The following NUMA1 variants were observed in gnomAD, a reference collection of about 807,000 sequenced individuals.
NUMA1 encodes the protein SP-H antigen.
Under a neutral mutation model 237.1 loss-of-function variants are expected in NUMA1, and 62 were observed. That is an observed-to-expected ratio of 0.26 (90% CI 0.21 to 0.32). The LOEUF (loss-of-function observed/expected upper bound fraction) is 0.32. Among genes scored for constraint, NUMA1 ranks in the 10% least tolerant of loss-of-function variants. The pLI is 1.00. For synonymous variants in NUMA1, 1,028 were observed against 1,066.1 expected, an observed-to-expected ratio of 0.96 and a Z score of 0.70; for missense variants, 2,533 against 2,666.5, an observed-to-expected ratio of 0.95 and a Z score of 1.10.
At chr11:72,012,214 T>TGAG (rs2134847372) in intron 16 of NUMA1, 187 bp downstream of exon 16, 5 of 585,208 alleles carry the variant, frequency 8.5e-6, no homozygotes, top group Non-Finnish European at 1.2e-5. Context: ...ATGGGTGGGA[T>TGAG]GAGGCCTGAG....
At chr11:72,030,329 C>T (rs543172256) in intron 3 of NUMA1, among the ~76,000 whole-genome samples, 1 of 143,090 alleles carries the variant, frequency 7.0e-6, no homozygotes, top group Non-Finnish European at 1.5e-5. Context: ...GAGCAAGACC[C>T]TGTCTCCAAA....
chr11:72,058,585 C>T (rs1180421532), intron 2 of NUMA1, among the ~76,000 whole-genome samples: 1 of 152,144 alleles, frequency 6.6e-6, no homozygotes, highest in African/African-American at 2.4e-5. Flanking sequence ...AGAAAAAAAA[C>T]TATTTCTACA....
rs1378739844 is a variant in NUMA1, at chr11:72,013,999, C to T, written c.3504G>A (p.Gln1168=). 1.2e-6 allele frequency: 2 copies of T among 1,612,572 alleles called. No homozygotes were observed. The highest frequency in any genetic ancestry group is 4.5e-5 in the East Asian group (2 of 44,866). ...AERDSALETL[Q]GQLEEKAQEL... is the part of the protein sequence containing the mutation. ...CCTGGGCCTTCTCCTCTAACTGGCC[C>T]TGCAGAGTCTCCAGAGCACTGTCCC... Residue 1168 remains glutamine (Q), a synonymous_variant, in exon 15 of 27, where the codon CAG becomes CAA. Coordinates refer to ENST00000393695, the MANE Select transcript of NUMA1 (RefSeq NM_006185.4). The surrounding 1 kb of genome is among the most constrained non-coding windows in gnomAD (Gnocchi z 6.8).
chr11:72,007,819 A>G (rs1410441431), intron 20 of NUMA1: 1 of 356,140 alleles, frequency 2.8e-6, no homozygotes, highest in South Asian at 2.4e-5. Flanking sequence ...GCATAATCCA[A>G]TGTCGTCCTG....
In NUMA1 at chr11:72,023,238, T is replaced by C. The variant is rs145469284; in HGVS notation, c.209-91A>G. 190 of 929,414 alleles carry C rather than the reference T, an allele frequency of 2.0e-4. 2 individuals carry two copies. In the East Asian group the frequency reaches 4.2e-3, roughly 20 times the overall value. 57.6% of individuals were successfully genotyped at this position (929,414 alleles called of 1,614,324 possible). On this transcript the variant is annotated intron_variant, in intron 5 of 26. Coordinates refer to ENST00000393695, the MANE Select transcript of NUMA1 (RefSeq NM_006185.4). Reference sequence around the variant, plus strand: ...ACTGAAATCTGGGGAGCAGAATGGCTATCTCTGGTGGGGCTATGAGATGTA... The same window carrying C: ...ACTGAAATCTGGGGAGCAGAATGGCCATCTCTGGTGGGGCTATGAGATGTA...
intron 10 of NUMA1, 25 bp downstream of exon 10, chr11:72,018,798 A>T (rs1343853029): frequency 6.2e-7 from 1 of 1,600,110 alleles, no homozygotes. Flanking sequence ...CTATTCACAC[A>T]TCTGCCAGTG....
chr11:72,025,502 A>C (rs1181780795), intron 4 of NUMA1, among the ~76,000 whole-genome samples: 2 of 152,050 alleles, frequency 1.3e-5, no homozygotes, highest in Non-Finnish European at 2.9e-5. Flanking sequence ...ACTTCGCTGG[A>C]TCCCCTAGCT....
intron 4 of NUMA1, among the ~76,000 whole-genome samples, chr11:72,028,651 T>C (rs765704133): frequency 6.6e-6 from 1 of 152,194 alleles, no homozygotes; most frequent in African/African-American, 2.4e-5. Flanking sequence ...TAAATGCTCA[T>C]GGACCTCAGA....
chr11:72,064,600 A>C (rs1285548398), intron 2 of NUMA1, among the ~76,000 whole-genome samples: 1 of 152,216 alleles, frequency 6.6e-6, no homozygotes, highest in Non-Finnish European at 1.5e-5. Context: ...TGGGAGGCCA[A>C]GGCAGGTGAA....
chr11:72,022,405 G>A lies in NUMA1; in HGVS notation c.306C>T (p.Leu102=). Residue 102 remains leucine (L), a synonymous_variant, in exon 7 of 27, where the codon CTC becomes CTT. Transcript: ENST00000393695. The stretch of plus-strand genomic sequence containing the variant: ...TGGAGCTCATGGTAGAGTGGTATAA[G>A]AGCAGCATGGTCATCTAGAAGCCAA... The part of the protein sequence containing the change: ...ELELAKMTML[L]LYHSTMSSKS... 1 of 1,613,138 alleles carries A rather than the reference G, an allele frequency of 6.2e-7. No homozygotes were observed. The highest frequency in any genetic ancestry group is 8.5e-7 in the Non-Finnish European group (1 of 1,179,414).
At chr11:72,072,346 G>A (rs1265230239) in intron 1 of NUMA1, 2 of 154,734 alleles carry the variant, frequency 1.3e-5, no homozygotes, top group African/African-American at 4.8e-5. Flanking sequence ...TCTCTGGCCA[G>A]TCACAGGAAG....
rs895350968 is a variant in NUMA1 at position 72,009,086 on chromosome 11, C to G, written c.4939G>C (p.Glu1647Gln). The change falls in exon 19 of 27, where the codon GAG (glutamate) becomes CAG (glutamine). Residue 1647 changes from glutamate (E) to glutamine (Q), a missense_variant. Glu to Gln is a conservative substitution (Grantham distance 29). Around this residue, in one of 3 missense-constraint regions of NUMA1, gnomAD observed 795 missense variants for 750.8 expected, o/e 1.06. Coordinates refer to ENST00000393695, the MANE Select transcript of NUMA1 (RefSeq NM_006185.4). The part of the protein sequence containing the change: ...SLEQLQKENK[E>Q]LRAEAERLGH... ...AGCCGTTCAGCTTCAGCTCGCAGCT[C>G]TTTGTTTTCCTTCTGCAGCTGCTCC... 6.2e-7 allele frequency: 1 copy of G among 1,613,356 alleles called. No homozygotes were observed. Among genetic ancestry groups the G allele is most frequent in the Non-Finnish European group, 8.5e-7 (1 of 1,179,990 alleles).
Position 72,056,635 on chromosome 11 carries a change from T to TAAAAAAAAAAA in NUMA1, c.-33+13196_-33+13206dup, listed in dbSNP as rs59248999. On this transcript the variant is annotated intron_variant, in intron 2 of 26. Coordinates refer to ENST00000393695, the MANE Select transcript of NUMA1 (RefSeq NM_006185.4). ...GCGCCTGACCAAGATCCCATCTCTT[T>TAAAAAAAAAAA]AAAAAAAAAAAAAAAAAAAAAAAAA... is the stretch of plus-strand genomic sequence containing the variant. Among the ~76,000 whole-genome samples, 336 of 75,934 alleles carry TAAAAAAAAAAA rather than the reference T, an allele frequency of 4.4e-3. 27 individuals are homozygous for TAAAAAAAAAAA. Among genetic ancestry groups the TAAAAAAAAAAA allele is most frequent in the Non-Finnish European group, 5.9e-3 (250 of 42,450 alleles). 49.8% of individuals were successfully genotyped at this position (75,934 alleles called of 152,430 possible).
chr11:72,050,630 T>C (rs1591042648), intron 2 of NUMA1: 1 of 152,164 alleles, frequency 6.6e-6, no homozygotes. Context: ...TTTTATAAAT[T>C]AGGAACGTAA....
At chr11:72,058,472 T>C (rs1942780502) in intron 2 of NUMA1, among the ~76,000 whole-genome samples, 1 of 152,232 alleles carries the variant, frequency 6.6e-6, no homozygotes, top group African/African-American at 2.4e-5. Context: ...ATAAGGGATA[T>C]CCATAACGTG....
At chr11:72,007,484 T>C (rs1007365932) in intron 20 of NUMA1, 49 bp from the exon 21 acceptor site, 20 of 1,588,212 alleles carry the variant, frequency 1.3e-5, no homozygotes, top group Non-Finnish European at 1.6e-5. Context: ...CTAGAAGGCA[T>C]TTTGTCCAGC....
chr11:72,020,862 A>G (rs914019945), intron 8 of NUMA1: 1 of 179,618 alleles, frequency 5.6e-6, no homozygotes, highest in African/African-American at 2.4e-5. Context: ...ACAGAGAGAG[A>G]CTCTGTCTCA....
intron 4 of NUMA1, among the ~76,000 whole-genome samples, chr11:72,028,450 T>TTAAA (rs1472834279): frequency 1.3e-5 from 1 of 75,368 alleles, no homozygotes. Context: ...TGCTTTTTCT[T>TTAAA]AAAAAAAAAA....
In NUMA1 at chr11:72,014,641, C is replaced by T; in HGVS notation, c.2862G>A (p.Glu954=). ...TGCTGCAGAACTGGCGTCCCTGTTG[C>T]TCTTCCAGCCACTCGGGCTGTCTGT... ...AGDRQPEWLE[E]QQGRQFCSTQ... Residue 954 remains glutamate, a synonymous_variant, in exon 15 of 27, where the codon GAG becomes GAA. Coordinates refer to ENST00000393695, the MANE Select transcript of NUMA1 (RefSeq NM_006185.4). The surrounding 1 kb of genome is among the most constrained non-coding windows in gnomAD (Gnocchi z 4.6). The T allele has an allele frequency of 1.2e-6, 2 of 1,611,496 alleles. No homozygotes were observed.
Sources: gnomAD v4.1 joint callset for allele counts (sites outside exome capture counted in the v4.1 genomes callset) on GRCh38, gnomAD v4.1.1 for gene constraint, gnomAD v4.1.1 regional missense constraint, Gnocchi (gnomAD v3.1) non-coding constraint, MANE v1.5 for transcripts, NCBI Gene and HGNC (gene_info 2026-07-23, HGNC 2026-07-21) for gene names.